The following GPR158 variants were observed in gnomAD, a reference collection of about 807,000 sequenced individuals.
GPR158 encodes the protein G protein-coupled receptor 158.
GPR158 carries 30 observed loss-of-function variants against 78.2 expected under a neutral mutation model. The ratio of observed to expected loss-of-function variants is 0.38; its 90% CI spans 0.29 to 0.52. The LOEUF (loss-of-function observed/expected upper bound fraction) is 0.52. Ranked by LOEUF, GPR158 falls within the 20% of genes least tolerant of loss-of-function variation. The pLI, the probability that GPR158 is intolerant of heterozygous loss-of-function variation, is 0.83. For synonymous variants in GPR158, 581 were observed against 591.1 expected (o/e 0.98, Z 0.25); for missense variants, 1,463 against 1,523.5 (o/e 0.96, Z 0.66).
chr10:25,534,024 C>T (rs1836458833), intron 5 of GPR158, among the ~76,000 whole-genome samples: 1 of 152,176 alleles, frequency 6.6e-6, no homozygotes, highest in South Asian at 2.1e-4. Context: ...AACATGAATT[C>T]ATTAGATGTT....
chr10:25,485,993 A>G (rs1835729882), intron 5 of GPR158, among the ~76,000 whole-genome samples: 2 of 152,126 alleles, frequency 1.3e-5, no homozygotes. Flanking sequence ...TTTTTCCACC[A>G]TGGTTAGAGT....
At chr10:25,305,464 A>C (rs1854660068) in intron 2 of GPR158, among the ~76,000 whole-genome samples, 1 of 152,176 alleles carries the variant, frequency 6.6e-6, no homozygotes, top group Non-Finnish European at 1.5e-5. Context: ...AATAGTTATA[A>C]GATGGTGCAA....
At chr10:25,338,367 G>A (rs1855240203) in intron 2 of GPR158, among the ~76,000 whole-genome samples, 1 of 145,134 alleles carries the variant, frequency 6.9e-6, no homozygotes, top group Non-Finnish European at 1.5e-5. Context: ...TAAATCTGAT[G>A]ACTATATCTA....
At chr10:25,370,827 A>G (rs1240020562) in intron 2 of GPR158, among the ~76,000 whole-genome samples, 1 of 151,496 alleles carries the variant, frequency 6.6e-6, no homozygotes, top group Non-Finnish European at 1.5e-5. Context: ...GTCACTCAGG[A>G]CTTGCTTTAT....
intron 2 of GPR158, among the ~76,000 whole-genome samples, chr10:25,349,631 G>A (rs1564429234): frequency 6.8e-6 from 1 of 146,724 alleles, no homozygotes; most frequent in Non-Finnish European, 1.5e-5. Context: ...CTTCTTCCAT[G>A]ATTGTAAGTT....
intron 2 of GPR158, among the ~76,000 whole-genome samples, chr10:25,250,989 G>T (rs914817786): frequency 7.3e-5 from 11 of 151,624 alleles, no homozygotes; most frequent in Non-Finnish European, 1.6e-4. Flanking sequence ...TTATGAATCT[G>T]GGTGCTCCTG....
At chr10:25,552,644 G>T (rs1204449919) in intron 6 of GPR158, among the ~76,000 whole-genome samples, 1 of 152,188 alleles carries the variant, frequency 6.6e-6, no homozygotes, top group African/African-American at 2.4e-5. Flanking sequence ...CATGGGACAT[G>T]TTTAATACAT....
chr10:25,573,710 C>G (rs1837046185), intron 7 of GPR158, among the ~76,000 whole-genome samples: 1 of 152,148 alleles, frequency 6.6e-6, no homozygotes, highest in Non-Finnish European at 1.5e-5. Context: ...AAGATAGAAA[C>G]ATGAGTTTGA....
chr10:25,491,691 T>C (rs1396270671), intron 5 of GPR158, among the ~76,000 whole-genome samples: 1 of 152,220 alleles, frequency 6.6e-6, no homozygotes, highest in Non-Finnish European at 1.5e-5. Context: ...AAATTAATTA[T>C]GAGCATGGTA....
intron 5 of GPR158, among the ~76,000 whole-genome samples, chr10:25,499,209 C>CA (rs11372312): frequency 0.44 from 67,150 of 152,032 alleles, 15,436 homozygotes; most frequent in East Asian, 0.63. Context: ...TTATAATTCA[C>CA]AAAAAACCAA....
chr10:25,573,997 C>A (rs7095272), intron 7 of GPR158, among the ~76,000 whole-genome samples: 3,382 of 151,892 alleles, frequency 0.022, 52 homozygotes, highest in African/African-American at 0.038. Context: ...TGACTTTAGT[C>A]TGGATATGAA....
Position 25,572,864 on chromosome 10 carries a change from G to T in GPR158, c.1730G>T (p.Arg577Leu), listed in dbSNP as rs779045729. 11 of 1,603,896 alleles carry T rather than the reference G, an allele frequency of 6.9e-6. No homozygotes were observed. The Admixed American group carries it at 1.2e-4, about 17-fold the overall frequency. Residue 577 changes from arginine (R) to leucine (L), a missense_variant, in exon 7 of 11, where the codon CGC (arginine) becomes CTC (leucine). Physicochemically the swap from Arg to Leu is moderately radical, Grantham distance 102 (BLOSUM62 -2). Coordinates refer to ENST00000376351, the MANE Select transcript of GPR158 (RefSeq NM_020752.3). Reference protein sequence around the residue: ...HLIFNMCLIDRWDYMTAVAEF... With the variant: ...HLIFNMCLIDLWDYMTAVAEF... ...ATCTTCAATATGTGCCTCATTGACC[G>T]CTGGGACTACATGACAGCAGTTGGT...
chr10:25,338,167 G>A (rs1467158098), intron 2 of GPR158, among the ~76,000 whole-genome samples: 2 of 151,176 alleles, frequency 1.3e-5, no homozygotes, highest in East Asian at 1.9e-4. Flanking sequence ...TGTAGTTTCT[G>A]TGTTATGACT....
At chr10:25,450,779 C>T (rs963392530) in intron 4 of GPR158, among the ~76,000 whole-genome samples, 2 of 152,056 alleles carry the variant, frequency 1.3e-5, no homozygotes, top group East Asian at 1.9e-4. Flanking sequence ...TACTGTTGTA[C>T]AAAATTAGCA....
At chr10:25,359,375 A>G (rs907155753) in intron 2 of GPR158, among the ~76,000 whole-genome samples, 1 of 152,202 alleles carries the variant, frequency 6.6e-6, no homozygotes. Context: ...CATCTTCTAC[A>G]TTAGGTATTT....
chr10:25,550,738 C>T (rs1453430836), intron 5 of GPR158, among the ~76,000 whole-genome samples: 1 of 152,130 alleles, frequency 6.6e-6, no homozygotes, highest in Non-Finnish European at 1.5e-5. Flanking sequence ...TCTGCTAATG[C>T]TATCCCTCCC....
intron 4 of GPR158, among the ~76,000 whole-genome samples, chr10:25,436,910 G>A (rs1835004686): frequency 6.6e-6 from 1 of 152,134 alleles, no homozygotes; most frequent in African/African-American, 2.4e-5. Flanking sequence ...ATAGATAGAA[G>A]AAAAGAAAGA....
intron 2 of GPR158, among the ~76,000 whole-genome samples, chr10:25,353,964 T>C (rs1028984539): frequency 6.6e-6 from 1 of 152,098 alleles, no homozygotes; most frequent in Non-Finnish European, 1.5e-5. Flanking sequence ...GTAGTATGTC[T>C]TCATTTCTTT....
chr10:25,410,802 C>G (rs1389045711), intron 3 of GPR158, among the ~76,000 whole-genome samples: 1 of 152,120 alleles, frequency 6.6e-6, no homozygotes, highest in Non-Finnish European at 1.5e-5. Flanking sequence ...AATGATGACT[C>G]TTAAACAGCA....
Sources: gnomAD v4.1 joint callset for allele counts (sites outside exome capture counted in the v4.1 genomes callset) on GRCh38, gnomAD v4.1.1 for gene constraint, MANE v1.5 for transcripts, NCBI Gene and HGNC (gene_info 2026-07-23, HGNC 2026-07-21) for gene names.